FAM120C: variants seen among roughly 807,000 people sequenced by gnomAD.
FAM120C encodes constitutive coactivator of PPAR-gamma-like protein 2.
In FAM120C, 14 loss-of-function variants were observed where a neutral mutation model predicts 71.2. That is an observed-to-expected ratio of 0.20 (90% CI 0.13 to 0.31). The LOEUF (loss-of-function observed/expected upper bound fraction) is 0.31. Ranked by LOEUF, FAM120C falls within the 10% of genes least tolerant of loss-of-function variation. The probability of loss-of-function intolerance (pLI) is 1.00; values close to 1 mark genes in which losing one functional copy is unlikely to be tolerated. For missense variants in FAM120C, 500 were observed against 879.0 expected (o/e 0.57, Z 5.45); for synonymous variants, 354 against 353.2 (o/e 1.00, Z -0.03).
chrX:54,148,122 G>T (rs1311730242), intron 4 of FAM120C, among the ~76,000 whole-genome samples: 1 of 111,630 alleles, frequency 9.0e-6, no homozygotes, highest in Non-Finnish European at 1.9e-5. Context: ...AAAAACTAAT[G>T]AAAAATTTAA....
rs1032254294 is a variant in FAM120C, at chrX:54,071,092, C to G, written c.*1941G>C. The G allele has an allele frequency of 8.9e-6, 1 of 112,054 alleles. No homozygotes were observed. Among genetic ancestry groups the G allele is most frequent in the Admixed American group, 9.5e-5 (1 of 10,507 alleles). 9.2% of individuals were successfully genotyped at this position (112,054 alleles called of 1,213,427 possible). On this transcript the variant is annotated 3_prime_UTR_variant, in exon 16 of 16. Coordinates refer to ENST00000375180, the MANE Select transcript of FAM120C (RefSeq NM_017848.6). Reference sequence around the variant, plus strand: ...TTGTATTTCTGTAGAAATGGTACTTCTTGGGCAAGAATATCACAAAGCCCA... The same window carrying G: ...TTGTATTTCTGTAGAAATGGTACTTGTTGGGCAAGAATATCACAAAGCCCA...
At chrX:54,127,373 C>T (rs888438162) in intron 9 of FAM120C, among the ~76,000 whole-genome samples, 1 of 108,639 alleles carries the variant, frequency 9.2e-6, no homozygotes, top group Non-Finnish European at 1.9e-5. Context: ...GGGCGGATCA[C>T]GAGGTCAGGA....
chrX:54,097,588 G>A (rs1467497678), intron 10 of FAM120C, among the ~76,000 whole-genome samples: 2 of 112,057 alleles, frequency 1.8e-5, no homozygotes, highest in Non-Finnish European at 3.8e-5. Flanking sequence ...AATATTAACA[G>A]TGTCCTAACT....
rs1490588342 is a variant in FAM120C, at chrX:54,070,132, A to G, written c.*2901T>C. On this transcript the variant is annotated 3_prime_UTR_variant, in exon 16 of 16. Transcript: ENST00000375180. Reference sequence around the variant, plus strand: ...GAAAAAGTTCATCTCCCTGTAATGAACCTTAGTTTTCCTGGCTTTTAAGTT... The same window carrying G: ...GAAAAAGTTCATCTCCCTGTAATGAGCCTTAGTTTTCCTGGCTTTTAAGTT... 1 of 111,870 alleles carries G rather than the reference A, an allele frequency of 8.9e-6. No homozygotes were observed. Among genetic ancestry groups the G allele is most frequent in the African/African-American group, 3.2e-5 (1 of 30,805 alleles). The allele number at this position is 111,870 out of a possible 1,213,427, so 9.2% of individuals were successfully genotyped here. A position where few individuals can be genotyped will look rare whatever the true frequency, so the allele number is the denominator to read the frequency against.
intron 13 of FAM120C, among the ~76,000 whole-genome samples, chrX:54,083,370 G>A (rs368011227): frequency 4.6e-4 from 49 of 107,671 alleles, no homozygotes; most frequent in African/African-American, 1.6e-3. Flanking sequence ...GGGAAGCCAA[G>A]GCAGGCAGGA....
chrX:54,150,472 T>G (rs1175396318), intron 4 of FAM120C, among the ~76,000 whole-genome samples: 1 of 111,777 alleles, frequency 8.9e-6, no homozygotes, highest in Admixed American at 9.6e-5. Flanking sequence ...CATGTGTACA[T>G]TTTTAAAAAT....
intron 4 of FAM120C, among the ~76,000 whole-genome samples, chrX:54,139,962 C>T (rs782053736): frequency 9.0e-6 from 1 of 111,284 alleles, no homozygotes; most frequent in Non-Finnish European, 1.9e-5. Flanking sequence ...AATGGCTCTC[C>T]TTTTTCCAAA....
chrX:54,105,483 C>T (rs1472932239), intron 10 of FAM120C, among the ~76,000 whole-genome samples: 2 of 111,914 alleles, frequency 1.8e-5, no homozygotes, highest in African/African-American at 6.5e-5. Flanking sequence ...GAAGCATTCC[C>T]TTTGAAAACC....
rs113104209 is a variant in FAM120C, at chrX:54,116,880, T to C, written c.2063-86A>G. On this transcript the variant is annotated intron_variant, in intron 9 of 15. Transcript: ENST00000375180. ...AGCCACAGGACATTGACAGGCTCCA[T>C]TGCATTTCAACTCTTAATTTTCTGT... is the stretch of plus-strand genomic sequence containing the variant. The C allele has an allele frequency of 4.9e-4, 514 of 1,040,715 alleles. 1 individual carries two copies. The highest frequency in any genetic ancestry group is 3.6e-3 in the East Asian group (116 of 32,529). The allele number at this position is 1,040,715 out of a possible 1,213,427, so 85.8% of individuals were successfully genotyped here.
intron 1 of FAM120C, among the ~76,000 whole-genome samples, chrX:54,181,270 CCT>C (rs1457244237): frequency 5.4e-5 from 6 of 111,164 alleles, no homozygotes; most frequent in African/African-American, 2.0e-4. Context: ...CCCACAATCC[CCT>C]GTTCTGTCTA....
intron 1 of FAM120C, among the ~76,000 whole-genome samples, chrX:54,175,182 T>C (rs1557136489): frequency 8.9e-6 from 1 of 111,986 alleles, no homozygotes; most frequent in Non-Finnish European, 1.9e-5. Context: ...TCCATTAGAA[T>C]ACAAGTTTCA....
rs781948026 is a variant in FAM120C, at chrX:54,135,255, T to A, written c.1336-144A>T. 9.9e-6 allele frequency: 6 copies of A among 605,262 alleles called. No individual in the cohort carries two copies. In the African/African-American group the frequency reaches 1.1e-4, roughly 11 times the overall value. 49.9% of individuals were successfully genotyped at this position (605,262 alleles called of 1,213,427 possible). A position where few individuals can be genotyped will look rare whatever the true frequency, so the allele number is the denominator to read the frequency against. On this transcript the variant is annotated intron_variant, in intron 6 of 15. Transcript: ENST00000375180. Reference sequence around the variant, plus strand: ...ACCTAATGAGAATAATGAGAAATGATGTATGAACAGAATCCTCCACAGACA... The same window carrying A: ...ACCTAATGAGAATAATGAGAAATGAAGTATGAACAGAATCCTCCACAGACA...
chrX:54,085,764 A>G lies in FAM120C; in HGVS notation c.2790T>C (p.Ala930=). ...GAGGGGGAAGTGGCATGGAGCCCAT[A>G]GCTCGGGAATAAAGTGAAACAGGGT... ...SLYPVSLYSR[A]MGSMPLPPQG... is the part of the protein sequence containing the mutation. Residue 930 remains alanine (A), a synonymous_variant, in exon 13 of 16, where the codon GCT becomes GCC. Transcript: ENST00000375180. The G allele has an allele frequency of 8.3e-7, 1 of 1,211,477 alleles. No homozygotes were observed.
rs1557121140 is a variant in FAM120C at position 54,080,281 on chromosome X, T to C, written c.2987A>G (p.Lys996Arg). ...CTTGGATCCTCTACCAGTCTGTTCT[T>C]TTCCATGCCTTTAGCAAGTGAGAAA... The part of the protein sequence containing the change: ...SVGGPGKGHG[K>R]EQTGRGSKGH... Residue 996 changes from lysine (K) to arginine (R), a missense_variant, in exon 15 of 16, where the codon AAA becomes AGA. Around this residue, in one of 11 missense-constraint regions of FAM120C, gnomAD observed 85 missense variants for 96.1 expected, o/e 0.88. Coordinates refer to ENST00000375180, the MANE Select transcript of FAM120C (RefSeq NM_017848.6). 8.3e-7 allele frequency: 1 copy of C among 1,206,118 alleles called. No homozygotes were observed. Among genetic ancestry groups the C allele is most frequent in the African/African-American group, 1.7e-5 (1 of 57,746 alleles).
At chrX:54,149,793 C>G (rs1234674612) in intron 4 of FAM120C, among the ~76,000 whole-genome samples, 1 of 111,649 alleles carries the variant, frequency 9.0e-6, no homozygotes, top group African/African-American at 3.3e-5. Context: ...GGTAGTACAA[C>G]TGTTCTGTAT....
intron 13 of FAM120C, among the ~76,000 whole-genome samples, chrX:54,082,187 C>CA (rs781909786): frequency 0.029 from 1,114 of 38,043 alleles, 29 homozygotes; most frequent in African/African-American, 0.084. Flanking sequence ...GACTCTGTCT[C>CA]AAAAAAAAAA....
At chrX:54,158,277 T>A (rs2067219743) in intron 2 of FAM120C, among the ~76,000 whole-genome samples, 1 of 112,299 alleles carries the variant, frequency 8.9e-6, no homozygotes, top group Non-Finnish European at 1.9e-5. Flanking sequence ...ACCAGGGAGA[T>A]GTCACTTCAG....
At chrX:54,148,531 G>A (rs1557132639) in intron 4 of FAM120C, among the ~76,000 whole-genome samples, 2 of 111,385 alleles carry the variant, frequency 1.8e-5, no homozygotes, top group Admixed American at 9.7e-5. Flanking sequence ...CCTGTAGTCC[G>A]AGCTACTTGG....
At chrX:54,152,679 T>C (rs2067189799) in intron 3 of FAM120C, among the ~76,000 whole-genome samples, 1 of 112,906 alleles carries the variant, frequency 8.9e-6, no homozygotes, top group Non-Finnish European at 1.9e-5. Flanking sequence ...AGGCAGAGGG[T>C]ATAAATTTTC....
Sources: gnomAD v4.1 joint callset for allele counts (sites outside exome capture counted in the v4.1 genomes callset) on GRCh38, gnomAD v4.1.1 for gene constraint, gnomAD v4.1.1 regional missense constraint, MANE v1.5 for transcripts, NCBI Gene and HGNC (gene_info 2026-07-23, HGNC 2026-07-21) for gene names.